CEP112: variants seen among roughly 807,000 people sequenced by gnomAD.
CEP112 encodes centrosomal protein 112.
CEP112 carries 127 observed loss-of-function variants against 153.0 expected under a neutral mutation model. The ratio of observed to expected loss-of-function variants is 0.83; its 90% CI spans 0.72 to 0.96. The LOEUF is 0.96. CEP112 is among the 40% of genes least tolerant of loss of function. The probability of loss-of-function intolerance (pLI) is 0.00; values close to 1 mark genes in which losing one functional copy is unlikely to be tolerated. For missense variants in CEP112, 1,089 were observed against 1,101.2 expected (o/e 0.99, Z 0.16); for synonymous variants, 358 against 374.4 (o/e 0.96, Z 0.51).
intron 20 of CEP112, among the ~76,000 whole-genome samples, chr17:65,871,906 T>C (rs2058681449): frequency 1.3e-5 from 2 of 152,332 alleles, no homozygotes; most frequent in South Asian, 4.1e-4. Context: ...GCATCTTGGA[T>C]GACTTTTACA....
At chr17:66,000,105 G>A (rs1053369136) in intron 17 of CEP112, among the ~76,000 whole-genome samples, 1 of 152,026 alleles carries the variant, frequency 6.6e-6, no homozygotes, top group African/African-American at 2.4e-5. Flanking sequence ...AGGATTGCTG[G>A]GTCGAATGGT....
chr17:65,647,472 CTTTT>C (rs36023443), intron 24 of CEP112, among the ~76,000 whole-genome samples: 10 of 111,314 alleles, frequency 9.0e-5, no homozygotes, highest in South Asian at 3.1e-4. Flanking sequence ...TGTGCCCGGC[CTTTT>C]TTTTTTTTTT....
At chr17:65,667,399 G>T (rs979782596) in intron 24 of CEP112, among the ~76,000 whole-genome samples, 1 of 152,096 alleles carries the variant, frequency 6.6e-6, no homozygotes, top group Non-Finnish European at 1.5e-5. Context: ...GGCAATGGAG[G>T]GGGGAGTAAA....
chr17:65,798,305 T>C (rs1349042940), intron 21 of CEP112, among the ~76,000 whole-genome samples: 2 of 152,188 alleles, frequency 1.3e-5, no homozygotes, highest in East Asian at 3.8e-4. Flanking sequence ...TCTTCTCATA[T>C]GTATCTGAGT....
chr17:65,728,996 T>C (rs1332110442), intron 23 of CEP112, among the ~76,000 whole-genome samples: 1 of 152,180 alleles, frequency 6.6e-6, no homozygotes, highest in Admixed American at 6.5e-5. Context: ...AAATTTAAAC[T>C]TTTTGACTCT....
At chr17:65,947,440 G>C (rs943718437) in intron 18 of CEP112, among the ~76,000 whole-genome samples, 12 of 152,070 alleles carry the variant, frequency 7.9e-5, no homozygotes, top group African/African-American at 2.9e-4. Context: ...AACAGTCCCT[G>C]TATTAAAAAA....
intron 5 of CEP112, among the ~76,000 whole-genome samples, chr17:66,131,687 G>A (rs1358653759): frequency 1.3e-5 from 2 of 152,084 alleles, no homozygotes; most frequent in Admixed American, 6.5e-5. Context: ...CTTGCAGTGA[G>A]CCGAGATCAT....
chr17:65,759,658 A>C (rs1224015313), intron 21 of CEP112, among the ~76,000 whole-genome samples: 1 of 152,156 alleles, frequency 6.6e-6, no homozygotes, highest in Non-Finnish European at 1.5e-5. Flanking sequence ...AACTGGACAA[A>C]ACAAAGGAGA....
intron 4 of CEP112, among the ~76,000 whole-genome samples, chr17:66,143,563 G>T (rs2070794499): frequency 6.6e-6 from 1 of 152,180 alleles, no homozygotes; most frequent in South Asian, 2.1e-4. Context: ...CTGTCTCAAA[G>T]AAATTCGTGA....
intron 6 of CEP112, among the ~76,000 whole-genome samples, chr17:66,110,676 GAA>G (rs72146457): frequency 6.0e-5 from 8 of 133,482 alleles, no homozygotes; most frequent in African/African-American, 1.6e-4. Context: ...AACAAGAAAT[GAA>G]AAAAAAAAAA....
intron 8 of CEP112, among the ~76,000 whole-genome samples, chr17:66,078,674 A>C (rs973022589): frequency 6.6e-6 from 1 of 151,398 alleles, no homozygotes; most frequent in African/African-American, 2.4e-5. Flanking sequence ...GGTTTTTTTT[A>C]ATTTTTGTTT....
intron 21 of CEP112, among the ~76,000 whole-genome samples, chr17:65,837,277 T>C (rs993700251): frequency 6.6e-6 from 1 of 150,910 alleles, no homozygotes; most frequent in Non-Finnish European, 1.5e-5. Context: ...GTCTGGGATG[T>C]GAGGAGCCCC....
intron 20 of CEP112, among the ~76,000 whole-genome samples, chr17:65,886,604 C>T (rs1439725983): frequency 1.3e-5 from 2 of 152,154 alleles, no homozygotes; most frequent in Non-Finnish European, 2.9e-5. Flanking sequence ...TGGCCCAATT[C>T]GGAATTACTA....
chr17:65,827,011 G>T (rs973338211), intron 21 of CEP112, among the ~76,000 whole-genome samples: 1 of 152,214 alleles, frequency 6.6e-6, no homozygotes, highest in Non-Finnish European at 1.5e-5. Context: ...AGAAGAAGGT[G>T]GAAAGAGCAG....
At chr17:65,886,021 C>G (rs951899498) in intron 20 of CEP112, among the ~76,000 whole-genome samples, 8 of 152,222 alleles carry the variant, frequency 5.3e-5, no homozygotes, top group Admixed American at 3.3e-4. Flanking sequence ...AATGCCTGTG[C>G]TGGGATTAAA....
chr17:66,088,031 G>A (rs571684422), intron 8 of CEP112, among the ~76,000 whole-genome samples: 18 of 150,576 alleles, frequency 1.2e-4, no homozygotes, highest in African/African-American at 4.2e-4. Context: ...TTTAGTCCCT[G>A]GGTCCACCTC....
intron 12 of CEP112, among the ~76,000 whole-genome samples, chr17:66,048,177 G>A (rs2066291970): frequency 6.6e-6 from 1 of 151,794 alleles, no homozygotes; most frequent in Non-Finnish European, 1.5e-5. Flanking sequence ...GATCCAGACA[G>A]CTGACTGTAT....
chr17:65,805,080 C>T (rs906913267), intron 21 of CEP112, among the ~76,000 whole-genome samples: 111 of 152,124 alleles, frequency 7.3e-4, no homozygotes, highest in African/African-American at 2.5e-3. Context: ...GACTCCTGAG[C>T]TCAAGTGACC....
chr17:65,775,560 G>A lies in CEP112; in HGVS notation c.2395-24836C>T, dbSNP rs369342562. On this transcript the variant is annotated intron_variant, in intron 21 of 26. Transcript: ENST00000535342. ...TATGTCATCCAGGCTGGAGTGCAGC[G>A]GGTGCGATCTTGGCTCACTGCAACC... 2.6e-5 allele frequency among the ~76,000 whole-genome samples: 4 copies of A among 151,726 alleles called. No individual in the cohort carries two copies. In the South Asian group the frequency reaches 6.2e-4, roughly 24 times the overall value.
Sources: allele counts gnomAD v4.1 joint callset (sites outside exome capture counted in the v4.1 genomes callset), GRCh38; gene constraint gnomAD v4.1.1; transcripts MANE v1.5; gene names NCBI Gene and HGNC (gene_info 2026-07-23, HGNC 2026-07-21).